SHCBP1L: variants seen among roughly 807,000 people sequenced by gnomAD.
SHCBP1L encodes the protein testicular spindle-associated protein SHCBP1L.
SHCBP1L carries 67 observed loss-of-function variants against 62.5 expected under a neutral mutation model. The ratio of observed to expected loss-of-function variants is 1.07; its 90% CI spans 0.88 to 1.31. The LOEUF (loss-of-function observed/expected upper bound fraction) is 1.31, where lower values mean the gene tolerates loss of function less well. Among genes scored for constraint, SHCBP1L ranks in the 40% most tolerant of loss-of-function variants. The pLI, the probability that SHCBP1L is intolerant of heterozygous loss-of-function variation, is 0.00. For synonymous variants in SHCBP1L, 284 were observed against 289.4 expected, an observed-to-expected ratio of 0.98 and a Z score of 0.19; for missense variants, 823 against 809.8, an observed-to-expected ratio of 1.02 and a Z score of -0.20.
intron 2 of SHCBP1L, among the ~76,000 whole-genome samples, chr1:182,947,663 G>A (rs552012331): frequency 3.9e-5 from 6 of 152,080 alleles, no homozygotes; most frequent in Non-Finnish European, 7.4e-5. Flanking sequence ...GAAGACAACA[G>A]AAATGAAGAT....
intron 2 of SHCBP1L, among the ~76,000 whole-genome samples, chr1:182,946,108 C>G (rs1260208302): frequency 6.6e-6 from 1 of 151,642 alleles, no homozygotes; most frequent in African/African-American, 2.4e-5. Context: ...GCCATTCTAC[C>G]TCTTGATTCT....
At chr1:182,927,094 A>G (rs1309209750) in intron 6 of SHCBP1L, among the ~76,000 whole-genome samples, 2 of 20,282 alleles carry the variant, frequency 9.9e-5, no homozygotes, top group East Asian at 3.7e-3. Flanking sequence ...ATATATATAT[A>G]TATATATATA....
At chr1:182,940,186 A>G in intron 3 of SHCBP1L, 143 bp downstream of exon 3, 1 of 586,432 alleles carries the variant, frequency 1.7e-6, no homozygotes, top group Non-Finnish European at 2.8e-6. Context: ...ACAATATGTT[A>G]ATTTAAAATG....
rs144795527 is a variant in SHCBP1L at position 182,905,672 on chromosome 1, C to T, written c.1183-23G>A. 3.5e-4 allele frequency: 567 copies of T among 1,604,060 alleles called. 2 individuals carry two copies. The Middle Eastern group carries it at 8.6e-3, about 24-fold the overall frequency. ...TATCTAAAAAGAAATAAAACACTTGCGCTTTCAATAATAGGTTAAACTGAA... is the reference window on the plus strand; with the variant it reads ...TATCTAAAAAGAAATAAAACACTTGTGCTTTCAATAATAGGTTAAACTGAA... On this transcript the variant is annotated intron_variant, in intron 6 of 9. Transcript: ENST00000367547.
intron 6 of SHCBP1L, among the ~76,000 whole-genome samples, chr1:182,920,209 C>T (rs1650487021): frequency 6.6e-6 from 1 of 152,158 alleles, no homozygotes; most frequent in Non-Finnish European, 1.5e-5. Flanking sequence ...ACCTCAGCCC[C>T]TCCAGTGCAG....
chr1:182,945,016 A>G (rs960463220), intron 2 of SHCBP1L, among the ~76,000 whole-genome samples: 1 of 129,558 alleles, frequency 7.7e-6, no homozygotes, highest in Non-Finnish European at 1.5e-5. Flanking sequence ...GCTAGAGTGC[A>G]GTGGTGTGAT....
rs184743909 is a variant in SHCBP1L at position 182,915,133 on chromosome 1, T to C, written c.1183-9484A>G. On this transcript the variant is annotated intron_variant, in intron 6 of 9. Coordinates refer to ENST00000367547, the MANE Select transcript of SHCBP1L (RefSeq NM_030933.4). ...GCTGAGATCGCACCATTGCACTCCA[T>C]TCTGGGCAACAGAGGCAGACTCTGT... is the stretch of plus-strand genomic sequence containing the variant. Among the ~76,000 whole-genome samples the C allele has an allele frequency of 5.8e-5, 7 of 119,982 alleles. No individual in the cohort carries two copies. In the East Asian group the frequency reaches 1.9e-3, roughly 33 times the overall value. The allele number at this position is 119,982 out of a possible 152,430, so 78.7% of individuals were successfully genotyped here. A position where few individuals can be genotyped will look rare whatever the true frequency, so the allele number is the denominator to read the frequency against.
chr1:182,907,888 T>C (rs1650066191), intron 6 of SHCBP1L, among the ~76,000 whole-genome samples: 2 of 152,196 alleles, frequency 1.3e-5, no homozygotes, highest in African/African-American at 4.8e-5. Flanking sequence ...CTTTTTTTAT[T>C]ATAAAAGTGA....
intron 6 of SHCBP1L, among the ~76,000 whole-genome samples, chr1:182,906,557 G>A (rs1019015726): frequency 6.6e-6 from 1 of 150,982 alleles, no homozygotes; most frequent in Non-Finnish European, 1.5e-5. Flanking sequence ...TCAGCCTCCC[G>A]AGTAGTTGGG....
intron 5 of SHCBP1L, among the ~76,000 whole-genome samples, chr1:182,935,134 G>A (rs1164006794): frequency 1.3e-5 from 2 of 152,080 alleles, no homozygotes; most frequent in Non-Finnish European, 2.9e-5. Flanking sequence ...CGAGTAGTAT[G>A]AGTCCTTCTA....
At position 182,953,155 on chromosome 1, in the gene SHCBP1L, G is replaced by T; in HGVS notation, c.-22C>A. 6.4e-7 allele frequency: 1 copy of T among 1,572,060 alleles called. No homozygotes were observed. The highest frequency in any genetic ancestry group is 8.6e-7 in the Non-Finnish European group (1 of 1,167,364). On this transcript the variant is annotated 5_prime_UTR_variant, in exon 1 of 10. Coordinates refer to ENST00000367547, the MANE Select transcript of SHCBP1L (RefSeq NM_030933.4). Reference sequence around the variant, plus strand: ...CCATCTCCTCAGCAGCCCGAGGGCCGAGGCAGCCGTTGGCCACTTTTCCCG... The same window carrying T: ...CCATCTCCTCAGCAGCCCGAGGGCCTAGGCAGCCGTTGGCCACTTTTCCCG...
intron 5 of SHCBP1L, among the ~76,000 whole-genome samples, chr1:182,934,988 C>G (rs1651120347): frequency 6.6e-6 from 1 of 152,062 alleles, no homozygotes; most frequent in Admixed American, 6.5e-5. Context: ...TATGGACTCT[C>G]TAATCTGGAC....
At position 182,899,937 on chromosome 1, in the gene SHCBP1L, TAAAC is replaced by T; in HGVS notation, c.*42_*45del. On this transcript the variant is annotated 3_prime_UTR_variant, in exon 10 of 10. Coordinates refer to ENST00000367547, the MANE Select transcript of SHCBP1L (RefSeq NM_030933.4). Reference sequence around the variant, plus strand: ...TCAGTGGGGTATGAGAATCATGTATTAAACAAATTTGTGAAATATAAAACTTTAA... The same window carrying T: ...TCAGTGGGGTATGAGAATCATGTATTAAATTTGTGAAATATAAAACTTTAA... 1 of 1,504,060 alleles carries T rather than the reference TAAAC, an allele frequency of 6.6e-7. No individual in the cohort carries two copies. Among genetic ancestry groups the T allele is most frequent in the Non-Finnish European group, 8.9e-7 (1 of 1,123,410 alleles). The allele number at this position is 1,504,060 out of a possible 1,614,324, so 93.2% of individuals were successfully genotyped here. A position where few individuals can be genotyped will look rare whatever the true frequency, so the allele number is the denominator to read the frequency against.
chr1:182,938,457 AAAC>A (rs1233951455), intron 5 of SHCBP1L, among the ~76,000 whole-genome samples: 7 of 148,270 alleles, frequency 4.7e-5, no homozygotes, highest in African/African-American at 1.2e-4. Context: ...AAAAACAAAC[AAAC>A]AACAACAACA....
At chr1:182,917,953 G>A (rs1430918652) in intron 6 of SHCBP1L, among the ~76,000 whole-genome samples, 2 of 151,762 alleles carry the variant, frequency 1.3e-5, no homozygotes, top group East Asian at 1.9e-4. Flanking sequence ...TGAACCAGAC[G>A]TCCTAGCCAG....
In SHCBP1L at chr1:182,899,997, T is replaced by C; in HGVS notation, c.1948A>G (p.Ile650Val). ...IEANVKGDIR[I>V]VTS is the part of the protein sequence containing the mutation. ...ATTCAGACGCTTTAACTTGTGACTA[T>C]TCTGATATCCCCCTTGACGTTTGCT... The change falls in exon 10 of 10, where the codon ATA becomes GTA. Residue 650 changes from isoleucine to valine, a missense_variant. By Grantham distance (29) the Ile-to-Val change is conservative. Coordinates refer to ENST00000367547, the MANE Select transcript of SHCBP1L (RefSeq NM_030933.4). The C allele has an allele frequency of 6.2e-7, 1 of 1,606,456 alleles. No homozygotes were observed. The highest frequency in any genetic ancestry group is 8.5e-7 in the Non-Finnish European group (1 of 1,177,108).
chr1:182,920,624 T>C (rs1650499787), intron 6 of SHCBP1L, among the ~76,000 whole-genome samples: 1 of 152,034 alleles, frequency 6.6e-6, no homozygotes, highest in African/African-American at 2.4e-5. Context: ...TCATCAAGAT[T>C]TAGGAGAAAG....
intron 6 of SHCBP1L, among the ~76,000 whole-genome samples, chr1:182,929,279 G>A (rs1423021314): frequency 6.6e-6 from 1 of 152,114 alleles, no homozygotes; most frequent in Non-Finnish European, 1.5e-5. Context: ...TTATCATTCT[G>A]TGTCATAATT....
intron 6 of SHCBP1L, among the ~76,000 whole-genome samples, chr1:182,913,346 G>GT (rs773051880): frequency 1.3e-4 from 20 of 152,180 alleles, no homozygotes; most frequent in South Asian, 6.2e-4. Context: ...CCTGTAGAAT[G>GT]TGACACTATC....
Sources: allele counts gnomAD v4.1 joint callset (sites outside exome capture counted in the v4.1 genomes callset), GRCh38; gene constraint gnomAD v4.1.1; transcripts MANE v1.5; gene names NCBI Gene and HGNC (gene_info 2026-07-23, HGNC 2026-07-21).